The following ZFHX4 variants were observed in gnomAD, a reference collection of about 807,000 sequenced individuals.
ZFHX4 encodes the protein zinc finger homeobox 4, also known as zinc finger homeobox protein 4.
ZFHX4 carries 56 observed loss-of-function variants against 267.6 expected under a neutral mutation model. The observed-to-expected ratio is 0.21, with a 90% confidence interval of 0.17 to 0.26. The LOEUF (loss-of-function observed/expected upper bound fraction) is 0.26. ZFHX4 is among the 10% of genes least tolerant of loss of function. The pLI is 1.00. For missense variants in ZFHX4, 4,332 were observed against 4,420.0 expected, an observed-to-expected ratio of 0.98 and a Z score of 0.56; for synonymous variants, 1,778 against 1,665.6, an observed-to-expected ratio of 1.07 and a Z score of -1.64.
At chr8:76,727,245 C>T (rs896437015) in intron 3 of ZFHX4, among the ~76,000 whole-genome samples, 1 of 152,034 alleles carries the variant, frequency 6.6e-6, no homozygotes, top group African/African-American at 2.4e-5. Flanking sequence ...CCTCTTTCTG[C>T]TGGAAACAAA....
rs7010493 is a variant in ZFHX4, at chr8:76,771,856, G to A, written c.3094-6352G>A. Among the ~76,000 whole-genome samples, 219 of 152,238 alleles carry A rather than the reference G, an allele frequency of 1.4e-3. 1 individual carries two copies. Among genetic ancestry groups the A allele is most frequent in the Non-Finnish European group, 2.2e-3 (152 of 68,016 alleles). On this transcript the variant is annotated intron_variant, in intron 3 of 10. Transcript: ENST00000651372. Reference sequence around the variant, plus strand: ...TCAGAAGGCATATTTAGGACTTTGCGATAATTTAGATGTAGATAGTAGGGA... The same window carrying A: ...TCAGAAGGCATATTTAGGACTTTGCAATAATTTAGATGTAGATAGTAGGGA...
At chr8:76,774,587 A>C (rs1041886128) in intron 3 of ZFHX4, among the ~76,000 whole-genome samples, 5 of 152,176 alleles carry the variant, frequency 3.3e-5, no homozygotes, top group African/African-American at 1.2e-4. Flanking sequence ...AAGGAGATAT[A>C]CAAAATATCT....
At chr8:76,707,328 ACAT>A (rs1585867617) in intron 2 of ZFHX4, among the ~76,000 whole-genome samples, 1 of 152,186 alleles carries the variant, frequency 6.6e-6, no homozygotes, top group Admixed American at 6.5e-5. Flanking sequence ...TTTCAGAATG[ACAT>A]CATGCCCAGT....
intron 1 of ZFHX4, among the ~76,000 whole-genome samples, chr8:76,702,479 G>C (rs1208594259): frequency 2.0e-5 from 3 of 152,070 alleles, no homozygotes; most frequent in Admixed American, 6.6e-5. Flanking sequence ...TCTTGTATAA[G>C]AACATTTTAA....
chr8:76,835,606 T>G (rs915813753), intron 5 of ZFHX4, among the ~76,000 whole-genome samples: 6 of 152,048 alleles, frequency 3.9e-5, no homozygotes, highest in Non-Finnish European at 5.9e-5. Flanking sequence ...TACCTATGCA[T>G]GTCTCATCAA....
intron 4 of ZFHX4, among the ~76,000 whole-genome samples, chr8:76,802,098 C>T (rs1302834932): frequency 6.6e-6 from 1 of 152,096 alleles, no homozygotes; most frequent in Non-Finnish European, 1.5e-5. Context: ...CATAGAATCG[C>T]GAATGAGATA....
intron 3 of ZFHX4, among the ~76,000 whole-genome samples, chr8:76,760,220 C>A (rs1809873448): frequency 6.6e-6 from 1 of 152,162 alleles, no homozygotes; most frequent in Admixed American, 6.6e-5. Context: ...CCATTCCACA[C>A]AATAAATAGG....
intron 4 of ZFHX4, among the ~76,000 whole-genome samples, chr8:76,827,569 A>G (rs951781692): frequency 6.6e-6 from 1 of 152,248 alleles, no homozygotes; most frequent in Admixed American, 6.5e-5. Context: ...GAGAAATACA[A>G]TAGGAATTAG....
Position 76,867,164 on chromosome 8 carries a change from C to A in ZFHX4, c.*2599C>A, listed in dbSNP as rs1813055838. 1 of 152,454 alleles carries A rather than the reference C, an allele frequency of 6.6e-6. No individual in the cohort carries two copies. Among genetic ancestry groups the A allele is most frequent in the African/African-American group, 2.4e-5 (1 of 41,386 alleles). The allele number at this position is 152,454 out of a possible 1,614,324, so 9.4% of individuals were successfully genotyped here. ...AACTTTTTTTTATTTTGTCACAGAC[C>A]TGTTGTCATAGTTGAAATGATGTTT... On this transcript the variant is annotated 3_prime_UTR_variant, in exon 11 of 11. Transcript: ENST00000651372.
Position 76,681,467 on chromosome 8 carries a change from A to ATT in ZFHX4, c.-197_-196dup. On this transcript the variant is annotated 5_prime_UTR_variant, in exon 1 of 11. An upstream open reading frame in the 5' UTR loses its in-frame stop. Coordinates refer to ENST00000651372, the MANE Select transcript of ZFHX4 (RefSeq NM_024721.5). The stretch of plus-strand genomic sequence containing the variant: ...CCCCACTTTCTGCTCCAGCGTTTTT[A>ATT]TTTTCACCCAATAAAGTTCGAGGAT... 1 of 393,924 alleles carries ATT rather than the reference A, an allele frequency of 2.5e-6. No homozygotes were observed. The highest frequency in any genetic ancestry group is 4.4e-6 in the Non-Finnish European group (1 of 224,728). The allele number at this position is 393,924 out of a possible 1,614,324, so 24.4% of individuals were successfully genotyped here.
Position 76,851,389 on chromosome 8 carries a change from G to C in ZFHX4, c.4468G>C (p.Glu1490Gln). Residue 1490 changes from glutamate (E) to glutamine (Q), a missense_variant, in exon 10 of 11, where the codon GAG becomes CAG. Glu to Gln is a conservative substitution (Grantham distance 29, BLOSUM62 2). Transcript: ENST00000651372. ...DHGLEQEMEREYEVDHEGKAS... is the reference protein window; with the variant it reads ...DHGLEQEMERQYEVDHEGKAS... ...TGGCCTAGAGCAGGAAATGGAGAGA[G>C]AGTATGAGGTGGACCACGAAGGGAA... 3.1e-6 allele frequency: 5 copies of C among 1,613,836 alleles called. No homozygotes were observed. Among genetic ancestry groups the C allele is most frequent in the Non-Finnish European group, 4.2e-6 (5 of 1,179,860 alleles).
chr8:76,729,926 C>T (rs78297954), intron 3 of ZFHX4, among the ~76,000 whole-genome samples: 9,964 of 152,096 alleles, frequency 0.066, 355 homozygotes, highest in Middle Eastern at 0.11. Flanking sequence ...AATAAAGGGA[C>T]GTGAAGCTAG....
intron 3 of ZFHX4, among the ~76,000 whole-genome samples, chr8:76,733,642 C>T (rs1809079921): frequency 1.3e-5 from 2 of 152,072 alleles, no homozygotes; most frequent in South Asian, 4.1e-4. Context: ...ATTCCTTTTG[C>T]CTTATATTAA....
At chr8:76,730,891 T>C (rs1808991666) in intron 3 of ZFHX4, among the ~76,000 whole-genome samples, 1 of 152,074 alleles carries the variant, frequency 6.6e-6, no homozygotes, top group Non-Finnish European at 1.5e-5. Context: ...ATGTTTTACG[T>C]CCATTGTCTC....
chr8:76,719,599 A>T (rs78878510), intron 3 of ZFHX4, among the ~76,000 whole-genome samples: 7,028 of 152,056 alleles, frequency 0.046, 346 homozygotes, highest in East Asian at 0.24. Flanking sequence ...AAGTATTTTT[A>T]AAAAATATTT....
intron 1 of ZFHX4, among the ~76,000 whole-genome samples, chr8:76,687,846 A>AT (rs955538304): frequency 1.5e-4 from 23 of 152,222 alleles, no homozygotes; most frequent in African/African-American, 5.5e-4. Flanking sequence ...AAGGATTAGC[A>AT]TTTTTTTGCA....
intron 3 of ZFHX4, among the ~76,000 whole-genome samples, chr8:76,756,044 C>T (rs1228584796): frequency 6.6e-6 from 1 of 152,132 alleles, no homozygotes; most frequent in Non-Finnish European, 1.5e-5. Flanking sequence ...GTGTCAAAGT[C>T]AAGTCCTTTT....
At chr8:76,756,378 A>T (rs1039466470) in intron 3 of ZFHX4, among the ~76,000 whole-genome samples, 4 of 151,230 alleles carry the variant, frequency 2.6e-5, no homozygotes, top group African/African-American at 9.7e-5. Context: ...TTCAAGACAC[A>T]TTTTTTTTTA....
chr8:76,834,643 G>A (rs1195386724), intron 5 of ZFHX4, among the ~76,000 whole-genome samples: 1 of 152,004 alleles, frequency 6.6e-6, no homozygotes, highest in African/African-American at 2.4e-5. Context: ...TATTTCAGAT[G>A]ACAGTCTTTA....
Sources: allele counts gnomAD v4.1 joint callset (sites outside exome capture counted in the v4.1 genomes callset), GRCh38; gene constraint gnomAD v4.1.1; transcripts MANE v1.5; gene names NCBI Gene and HGNC (gene_info 2026-07-23, HGNC 2026-07-21).